Variants in PLIN3 observed in about 807,000 individuals in gnomAD.
PLIN3 encodes the protein perilipin-3.
In PLIN3, 30 loss-of-function variants were observed where a neutral mutation model predicts 35.9. The observed-to-expected ratio is 0.84, with a 90% confidence interval of 0.62 to 1.13. The LOEUF (loss-of-function observed/expected upper bound fraction) is 1.13, where lower values mean the gene tolerates loss of function less well. Among genes scored for constraint, PLIN3 ranks in the 50% most tolerant of loss-of-function variants. The pLI is 0.00. For missense variants in PLIN3, 603 were observed against 596.9 expected (o/e 1.01, Z -0.11); for synonymous variants, 261 against 262.5 (o/e 0.99, Z 0.06).
intron 4 of PLIN3, among the ~76,000 whole-genome samples, chr19:4,854,446 CA>C (rs1461760659): frequency 6.6e-6 from 1 of 151,978 alleles, no homozygotes; most frequent in East Asian, 1.9e-4. Context: ...TCTTGTCACC[CA>C]GGCTGGAGTG....
chr19:4,856,676 T>C (rs544138860), intron 4 of PLIN3, among the ~76,000 whole-genome samples: 1 of 151,494 alleles, frequency 6.6e-6, no homozygotes, highest in East Asian at 2.0e-4. Context: ...CAATAACCGA[T>C]TAAGCCTCAC....
At chr19:4,855,921 T>A (rs1599169844) in intron 4 of PLIN3, among the ~76,000 whole-genome samples, 2 of 61,388 alleles carry the variant, frequency 3.3e-5, no homozygotes, top group South Asian at 4.1e-4. Flanking sequence ...CAAGACCTTG[T>A]CTCAAAAAAA....
chr19:4,853,483 G>A (rs2030372067), intron 4 of PLIN3, among the ~76,000 whole-genome samples: 1 of 151,602 alleles, frequency 6.6e-6, no homozygotes, highest in African/African-American at 2.4e-5. Flanking sequence ...ATGCCACCAT[G>A]CCGAGCCGAT....
Position 4,838,951 on chromosome 19 carries a change from G to T in PLIN3, c.*241C>A. 2.7e-6 allele frequency: 1 copy of T among 376,312 alleles called. No homozygotes were observed. The highest frequency in any genetic ancestry group is 3.9e-5 in the East Asian group (1 of 25,930). 23.3% of individuals were successfully genotyped at this position (376,312 alleles called of 1,614,324 possible). A position where few individuals can be genotyped will look rare whatever the true frequency, so the allele number is the denominator to read the frequency against. On this transcript the variant is annotated 3_prime_UTR_variant, in exon 8 of 8. Coordinates refer to ENST00000221957, the MANE Select transcript of PLIN3 (RefSeq NM_005817.5). ...ACTTTCCTGAAAGATATTTTTTCTGGACATCTCTCTCTACTGACTGATAGG... is the reference window on the plus strand; with the variant it reads ...ACTTTCCTGAAAGATATTTTTTCTGTACATCTCTCTCTACTGACTGATAGG...
chr19:4,858,817 T>A (rs1324631953), intron 4 of PLIN3, among the ~76,000 whole-genome samples: 2 of 149,084 alleles, frequency 1.3e-5, no homozygotes, highest in Non-Finnish European at 1.5e-5. Flanking sequence ...TTCTCCTGCC[T>A]CAGCCTCCCG....
At chr19:4,849,939 C>A (rs1304273877) in intron 5 of PLIN3, among the ~76,000 whole-genome samples, 2 of 151,546 alleles carry the variant, frequency 1.3e-5, no homozygotes, top group African/African-American at 4.9e-5. Context: ...GCATGAGTCA[C>A]CACACCTGGC....
At chr19:4,853,761 C>T (rs1433795233) in intron 4 of PLIN3, among the ~76,000 whole-genome samples, 3 of 151,502 alleles carry the variant, frequency 2.0e-5, no homozygotes, top group Non-Finnish European at 4.4e-5. Context: ...TGCAGTGAGC[C>T]GAGACTGCAC....
intron 5 of PLIN3, among the ~76,000 whole-genome samples, chr19:4,849,621 G>A (rs1197891915): frequency 6.6e-6 from 1 of 151,634 alleles, no homozygotes; most frequent in Non-Finnish European, 1.5e-5. Flanking sequence ...AGGTTCATAT[G>A]TGTATATGCA....
intron 7 of PLIN3, among the ~76,000 whole-genome samples, chr19:4,840,303 G>A (rs1057152600): frequency 5.9e-5 from 9 of 151,858 alleles, no homozygotes; most frequent in Admixed American, 4.6e-4. Flanking sequence ...TCACTTTGTC[G>A]CCCAGGCTGG....
rs370174619 is a variant in PLIN3 at position 4,860,009 on chromosome 19, G to A, written c.82C>T (p.Arg28Cys). The A allele has an allele frequency of 8.6e-5, 138 of 1,613,926 alleles. No homozygotes were observed. The highest frequency in any genetic ancestry group is 1.1e-4 in the Non-Finnish European group (127 of 1,180,028). The change falls in exon 3 of 8, where the codon CGT (arginine) becomes TGT (cysteine). Residue 28 changes from arginine (R) to cysteine (C), a missense_variant. Transcript: ENST00000221957. ...CTGATCAGAGGCATGCTGGCCACACGGTCCACCACACTGGGCTACAGGAGA... is the reference window on the plus strand; with the variant it reads ...CTGATCAGAGGCATGCTGGCCACACAGTCCACCACACTGGGCTACAGGAGA... ...EPVQQPSVVD[R>C]VASMPLISST...
chr19:4,845,659 TCA>T (rs1282041790), intron 6 of PLIN3, among the ~76,000 whole-genome samples: 2 of 152,036 alleles, frequency 1.3e-5, no homozygotes, highest in Admixed American at 1.3e-4. Flanking sequence ...GCGCAGTGGC[TCA>T]CACCTGTAAT....
At chr19:4,841,116 T>C (rs924075474) in intron 7 of PLIN3, among the ~76,000 whole-genome samples, 3 of 152,132 alleles carry the variant, frequency 2.0e-5, no homozygotes, top group African/African-American at 7.2e-5. Context: ...GACTCGGCAA[T>C]TCTAGTTGTG....
chr19:4,849,504 C>T (rs1021928089), intron 5 of PLIN3, among the ~76,000 whole-genome samples: 4 of 152,080 alleles, frequency 2.6e-5, no homozygotes, highest in Admixed American at 2.6e-4. Context: ...GAGATGGGGT[C>T]TATGTTGTCC....
chr19:4,841,921 A>AG (rs2029904937), intron 7 of PLIN3, among the ~76,000 whole-genome samples: 1 of 83,790 alleles, frequency 1.2e-5, no homozygotes, highest in African/African-American at 4.8e-5. Context: ...AAAAAAAAAA[A>AG]AAAAAGAAAA....
intron 1 of PLIN3, among the ~76,000 whole-genome samples, chr19:4,863,827 C>CA (rs766592535): frequency 0.28 from 32,941 of 116,426 alleles, 4,847 homozygotes; most frequent in Non-Finnish European, 0.39. Context: ...GACTCCATCT[C>CA]AAAAAAAAAA....
chr19:4,840,968 C>A (rs574676748), intron 7 of PLIN3, among the ~76,000 whole-genome samples: 1 of 152,176 alleles, frequency 6.6e-6, no homozygotes, highest in South Asian at 2.1e-4. Context: ...CAAACAAAAA[C>A]CCCAGAGGCT....
intron 6 of PLIN3, among the ~76,000 whole-genome samples, chr19:4,845,735 T>C (rs1437888192): frequency 6.6e-6 from 1 of 150,588 alleles, no homozygotes; most frequent in Admixed American, 6.7e-5. Context: ...CCATCCTGGC[T>C]AACACGGTGA....
intron 5 of PLIN3, among the ~76,000 whole-genome samples, chr19:4,849,146 T>C (rs995263955): frequency 2.6e-5 from 4 of 151,934 alleles, no homozygotes; most frequent in Non-Finnish European, 5.9e-5. Flanking sequence ...CTAATTTTTG[T>C]ACTTTTTGTA....
At chr19:4,855,924 CAAA>C (rs772454816) in intron 4 of PLIN3, among the ~76,000 whole-genome samples, 1 of 73,800 alleles carries the variant, frequency 1.4e-5, no homozygotes. Flanking sequence ...GACCTTGTCT[CAAA>C]AAAAAAAAAA....
Sources: allele counts gnomAD v4.1 joint callset (sites outside exome capture counted in the v4.1 genomes callset), GRCh38; gene constraint gnomAD v4.1.1; transcripts MANE v1.5; gene names NCBI Gene and HGNC (gene_info 2026-07-23, HGNC 2026-07-21).